Variants in SHANK2 observed in about 807,000 individuals in gnomAD.
SHANK2 encodes the protein SH3 and multiple ankyrin repeat domains 2, also known as SH3 and multiple ankyrin repeat domains protein 2.
In SHANK2, 43 loss-of-function variants were observed where a neutral mutation model predicts 133.7. The ratio of observed to expected loss-of-function variants is 0.32; its 90% CI spans 0.25 to 0.41. The LOEUF (loss-of-function observed/expected upper bound fraction) is 0.41. Ranked by LOEUF, SHANK2 falls within the 10% of genes least tolerant of loss-of-function variation. The pLI, the probability that SHANK2 is intolerant of heterozygous loss-of-function variation, is 1.00. For missense variants in SHANK2, 1,994 were observed against 2,235.8 expected (o/e 0.89, Z 2.18); for synonymous variants, 1,017 against 952.8 (o/e 1.07, Z -1.24).
chr11:70,772,439 C>CAA (rs36059683), intron 14 of SHANK2, among the ~76,000 whole-genome samples: 1 of 136,622 alleles, frequency 7.3e-6, no homozygotes, highest in Non-Finnish European at 1.6e-5. Context: ...GACTCTGTCT[C>CAA]AAAAAAAAAA....
chr11:70,571,193 C>T (rs1325930659), intron 17 of SHANK2: 1 of 152,286 alleles, frequency 6.6e-6, no homozygotes, highest in African/African-American at 2.4e-5. Flanking sequence ...GCATCTGCAC[C>T]CGTGTTTGTG....
chr11:70,903,958 T>A (rs1459044414), intron 10 of SHANK2, among the ~76,000 whole-genome samples: 2 of 152,132 alleles, frequency 1.3e-5, no homozygotes, highest in African/African-American at 4.8e-5. Context: ...GTAAGGCCCA[T>A]TCCAGGAGCA....
intron 2 of SHANK2, among the ~76,000 whole-genome samples, chr11:71,153,018 A>G (rs2135432086): frequency 6.6e-6 from 1 of 152,262 alleles, no homozygotes; most frequent in South Asian, 2.1e-4. Flanking sequence ...TTATACTAAA[A>G]AACTCTCTGC....
intron 11 of SHANK2, among the ~76,000 whole-genome samples, chr11:70,890,083 G>C (rs1555074343): frequency 6.6e-6 from 1 of 152,178 alleles, no homozygotes; most frequent in African/African-American, 2.4e-5. Flanking sequence ...TTTTAGATCT[G>C]GGGGGTAGAA....
intron 1 of SHANK2, among the ~76,000 whole-genome samples, chr11:71,232,184 G>C (rs1360643291): frequency 6.6e-6 from 1 of 152,172 alleles, no homozygotes; most frequent in Non-Finnish European, 1.5e-5. Context: ...AAATTACAGA[G>C]ATGGAGAACA....
chr11:71,235,998 G>A (rs886077250), intron 1 of SHANK2, among the ~76,000 whole-genome samples: 7 of 152,220 alleles, frequency 4.6e-5, no homozygotes, highest in African/African-American at 1.7e-4. Flanking sequence ...GCAGGTGCTG[G>A]CGGCAGAGCC....
At chr11:70,871,896 C>A (rs556213316) in intron 11 of SHANK2, among the ~76,000 whole-genome samples, 1 of 152,208 alleles carries the variant, frequency 6.6e-6, no homozygotes, top group Non-Finnish European at 1.5e-5. Flanking sequence ...CATAACAACA[C>A]CGTCTTGAAA....
chr11:71,243,424 G>A (rs1209792324), intron 1 of SHANK2, among the ~76,000 whole-genome samples: 1 of 152,220 alleles, frequency 6.6e-6, no homozygotes, highest in African/African-American at 2.4e-5. Flanking sequence ...GCCGGGCGTG[G>A]TGGCTGATGC....
chr11:70,546,291 G>A (rs2059695589), intron 17 of SHANK2, among the ~76,000 whole-genome samples: 1 of 151,846 alleles, frequency 6.6e-6, no homozygotes, highest in Non-Finnish European at 1.5e-5. Context: ...TTGGCCAATG[G>A]CAATTGAGCT....
At chr11:70,900,160 C>A (rs1331716578) in intron 10 of SHANK2, among the ~76,000 whole-genome samples, 1 of 152,060 alleles carries the variant, frequency 6.6e-6, no homozygotes, top group Non-Finnish European at 1.5e-5. Context: ...TGGAGACCAT[C>A]CTGGCCAACA....
At chr11:70,779,942 C>T (rs901128271) in intron 14 of SHANK2, among the ~76,000 whole-genome samples, 2 of 77,246 alleles carry the variant, frequency 2.6e-5, no homozygotes, top group Non-Finnish European at 6.5e-5. Flanking sequence ...TCATTCAGGT[C>T]GGTCCCATCA....
intron 17 of SHANK2, among the ~76,000 whole-genome samples, chr11:70,506,614 G>A (rs1554968447): frequency 6.6e-6 from 1 of 152,198 alleles, no homozygotes; most frequent in African/African-American, 2.4e-5. Flanking sequence ...GGGGTCATGA[G>A]CCACTTCCAA....
At chr11:71,167,837 G>T in intron 2 of SHANK2, among the ~76,000 whole-genome samples, 1 of 142,266 alleles carries the variant, frequency 7.0e-6, no homozygotes, top group Non-Finnish European at 1.5e-5. Context: ...GGCCGGCCAG[G>T]CAGAGGGGCT....
intron 3 of SHANK2, among the ~76,000 whole-genome samples, chr11:71,122,753 G>A (rs35188314): frequency 0.025 from 3,776 of 152,252 alleles, 72 homozygotes; most frequent in Non-Finnish European, 0.036. Context: ...ACCCAGCAAT[G>A]CTAAGATTTC....
chr11:71,071,649 G>A (rs1951143455), intron 9 of SHANK2, among the ~76,000 whole-genome samples: 1 of 152,206 alleles, frequency 6.6e-6, no homozygotes, highest in Non-Finnish European at 1.5e-5. Context: ...GGATCTTGAA[G>A]GATGCATAGG....
chr11:70,485,592 G>A lies in SHANK2; in HGVS notation c.4701C>T (p.Leu1567=), dbSNP rs1555152938. Residue 1567 remains leucine, a synonymous_variant, in exon 25 of 26, where the codon CTC becomes CTT. Transcript: ENST00000601538. This position sits in a 1 kb window ranked among gnomAD's most constrained non-coding sequence, Gnocchi z 5.8. ...HKSNALYQDA[L]VEEDVDSFVI... ...CAAAGCTATCTACATCTTCTTCCAC[G>A]AGCGCGTCTTGATAAAGTGCATTGC... 1.9e-6 allele frequency: 3 copies of A among 1,613,870 alleles called. No homozygotes were observed. Among genetic ancestry groups the A allele is most frequent in the East Asian group, 2.2e-5 (1 of 44,880 alleles).
intron 17 of SHANK2, among the ~76,000 whole-genome samples, chr11:70,626,614 T>C (rs2060908861): frequency 6.6e-6 from 1 of 152,078 alleles, no homozygotes; most frequent in South Asian, 2.1e-4. Context: ...AACCGCCGAG[T>C]GGCAAGCTTT....
At chr11:70,651,109 A>G (rs956307106) in intron 17 of SHANK2, among the ~76,000 whole-genome samples, 9 of 152,222 alleles carry the variant, frequency 5.9e-5, no homozygotes, top group African/African-American at 2.2e-4. Context: ...CCTGGATCAT[A>G]TGGCACAGCC....
chr11:71,092,558 T>C lies in SHANK2; in HGVS notation c.776A>G (p.Tyr259Cys), dbSNP rs1951537792. 6.4e-7 allele frequency: 1 copy of C among 1,551,936 alleles called. No individual in the cohort carries two copies. Among genetic ancestry groups the C allele is most frequent in the Non-Finnish European group, 8.7e-7 (1 of 1,147,064 alleles). The change falls in exon 8 of 26, where the codon TAT becomes TGT. Residue 259 changes from tyrosine to cysteine, a missense_variant. Physicochemically the swap from Tyr to Cys is radical, Grantham distance 194. Transcript: ENST00000601538. ...TLLELGASPD[Y>C]KDSYGLTPLY... is the part of the protein sequence containing the mutation. The stretch of plus-strand genomic sequence containing the variant: ...CGGGGTGAGGCCGTAACTGTCTTTA[T>C]AATCTGGGGATGCACCAAGCTCTAA...
Sources: allele counts gnomAD v4.1 joint callset (sites outside exome capture counted in the v4.1 genomes callset), GRCh38; gene constraint gnomAD v4.1.1; non-coding constraint Gnocchi (gnomAD v3.1); transcripts MANE v1.5; gene names NCBI Gene and HGNC (gene_info 2026-07-23, HGNC 2026-07-21).